The following DGCR2 variants were observed in gnomAD, a reference collection of about 807,000 sequenced individuals.
DGCR2 encodes the protein integral membrane protein DGCR2/IDD.
DGCR2 carries 24 observed loss-of-function variants against 51.6 expected under a neutral mutation model. The observed-to-expected ratio is 0.47, with a 90% CI of 0.34 to 0.65. DGCR2 has a LOEUF of 0.65. DGCR2 is among the 30% of genes least tolerant of loss of function. The pLI, the probability that DGCR2 is intolerant of heterozygous loss-of-function variation, is 0.01. For synonymous variants in DGCR2, 340 were observed against 315.4 expected, an observed-to-expected ratio of 1.08 and a Z score of -0.82; for missense variants, 765 against 772.1, an observed-to-expected ratio of 0.99 and a Z score of 0.11.
intron 1 of DGCR2, among the ~76,000 whole-genome samples, chr22:19,119,615 A>G (rs1204002928): frequency 1.1e-4 from 16 of 152,004 alleles, no homozygotes; most frequent in Non-Finnish European, 1.5e-5. Context: ...GTATGCCTGT[A>G]ATCCCAGCTA....
intron 1 of DGCR2, among the ~76,000 whole-genome samples, chr22:19,111,168 G>A (rs1188550327): frequency 6.6e-6 from 1 of 152,222 alleles, no homozygotes; most frequent in Admixed American, 6.5e-5. Context: ...GAAACACACA[G>A]GTAGATTTGA....
chr22:19,094,181 A>C (rs2083112550), intron 1 of DGCR2, among the ~76,000 whole-genome samples: 1 of 152,272 alleles, frequency 6.6e-6, no homozygotes. Flanking sequence ...TGATCCCAAC[A>C]CTTTGGGAGG....
intron 1 of DGCR2, among the ~76,000 whole-genome samples, chr22:19,109,568 A>C (rs1350620773): frequency 6.6e-6 from 1 of 152,250 alleles, no homozygotes; most frequent in Non-Finnish European, 1.5e-5. Flanking sequence ...TATCTAAAGC[A>C]GTCAAACTCT....
At chr22:19,097,542 GCT>G (rs999409882) in intron 1 of DGCR2, among the ~76,000 whole-genome samples, 1 of 151,926 alleles carries the variant, frequency 6.6e-6, no homozygotes, top group Non-Finnish European at 1.5e-5. Context: ...ACAGAGCAAG[GCT>G]CTGTCTCGAA....
chr22:19,070,486 T>TG (rs2082802285), intron 2 of DGCR2, among the ~76,000 whole-genome samples: 1 of 152,004 alleles, frequency 6.6e-6, no homozygotes, highest in Admixed American at 6.6e-5. Context: ...GCACAGTACC[T>TG]GGTAAAATTG....
intron 6 of DGCR2, among the ~76,000 whole-genome samples, chr22:19,054,438 T>C (rs1476340914): frequency 6.6e-6 from 1 of 152,226 alleles, no homozygotes; most frequent in Non-Finnish European, 1.5e-5. Flanking sequence ...ATTAACAAGT[T>C]ACAGAAGTCT....
chr22:19,052,313 G>C (rs967762086), intron 6 of DGCR2, among the ~76,000 whole-genome samples: 2 of 152,210 alleles, frequency 1.3e-5, no homozygotes, highest in African/African-American at 2.4e-5. Flanking sequence ...CTACTCGGGA[G>C]GCTGAGACAT....
Position 19,122,256 on chromosome 22 carries a change from G to C in DGCR2, c.-50C>G. Reference sequence around the variant, plus strand: ...GGCGGCTGGAAGGCCGGACCAGGCCGGACTGAGGGTCAGGGGACCGTGCCA... The same window carrying C: ...GGCGGCTGGAAGGCCGGACCAGGCCCGACTGAGGGTCAGGGGACCGTGCCA... On this transcript the variant is annotated 5_prime_UTR_variant, in exon 1 of 10. Coordinates refer to ENST00000263196, the MANE Select transcript of DGCR2 (RefSeq NM_005137.3). 1 of 1,412,510 alleles carries C rather than the reference G, an allele frequency of 7.1e-7. No individual in the cohort carries two copies. Among genetic ancestry groups the C allele is most frequent in the Non-Finnish European group, 9.5e-7 (1 of 1,056,614 alleles). The allele number at this position is 1,412,510 out of a possible 1,614,324, so 87.5% of individuals were successfully genotyped here.
rs200515250 is a variant in DGCR2, at chr22:19,041,859, G to A, written c.1107C>T (p.His369=). The part of the protein sequence containing the change: ...LILSLLLFMV[H]RLRQRRRERI... ...GCTCCCGGCGCCGCTGGCGCAGCCG[G>A]TGGACCATGAAGAGCAGCAGTGACA... The change falls in exon 8 of 10, where the codon CAC becomes CAT. Residue 369 remains histidine, a synonymous_variant. Transcript: ENST00000263196. The A allele has an allele frequency of 6.2e-7, 1 of 1,613,360 alleles. No individual in the cohort carries two copies.
Position 19,108,388 on chromosome 22 carries a change from C to T in DGCR2, c.79+13740G>A, listed in dbSNP as rs544834873. On this transcript the variant is annotated intron_variant, in intron 1 of 9. Coordinates refer to ENST00000263196, the MANE Select transcript of DGCR2 (RefSeq NM_005137.3). ...GAGTTGGAGACCAGCTTGGGCAACA[C>T]AGGGATCCAGTCTCTACAAAAATTA... 7.3e-5 allele frequency among the ~76,000 whole-genome samples: 11 copies of T among 150,742 alleles called. 1 individual carries two copies. The South Asian group carries it at 2.3e-3, about 32-fold the overall frequency.
intron 1 of DGCR2, among the ~76,000 whole-genome samples, chr22:19,093,360 C>T (rs2083101250): frequency 9.4e-6 from 1 of 106,694 alleles, no homozygotes; most frequent in East Asian, 2.5e-4. Context: ...AACTCCACCT[C>T]GAAAAAAAAA....
intron 2 of DGCR2, among the ~76,000 whole-genome samples, chr22:19,078,602 G>C (rs142594106): frequency 4.9e-4 from 75 of 152,242 alleles, no homozygotes; most frequent in Non-Finnish European, 9.9e-4. Context: ...TCAATACTAT[G>C]GTGAATAAGT....
intron 1 of DGCR2, among the ~76,000 whole-genome samples, chr22:19,116,703 T>C (rs1307968310): frequency 6.6e-6 from 1 of 152,218 alleles, no homozygotes; most frequent in African/African-American, 2.4e-5. Flanking sequence ...TTGTCACTGA[T>C]GCATTCCACT....
intron 2 of DGCR2, among the ~76,000 whole-genome samples, chr22:19,081,553 A>G (rs1158623626): frequency 6.6e-6 from 1 of 152,228 alleles, no homozygotes; most frequent in Admixed American, 6.5e-5. Flanking sequence ...CAAGACATGT[A>G]TCAATGGCAA....
In DGCR2 at chr22:19,057,119, C is replaced by T. The variant is rs199948293; in HGVS notation, c.669G>A (p.Ser223=). 2.1e-5 allele frequency: 33 copies of T among 1,608,590 alleles called. No homozygotes were observed. The highest frequency in any genetic ancestry group is 5.6e-5 in the South Asian group (5 of 89,660). Residue 223 remains serine, a synonymous_variant, in exon 6 of 10, where the codon TCG becomes TCA. Transcript: ENST00000263196. The surrounding 1 kb of genome is among the most constrained non-coding windows in gnomAD (Gnocchi z 5.1). ...VFLPPDPIFA[S]AMSENDNVFC... ...ACACGTTGTCGTTCTCAGACATGGCCGAGGCAAAGATGGGGTCTGGGGGCA... is the reference window on the plus strand; with the variant it reads ...ACACGTTGTCGTTCTCAGACATGGCTGAGGCAAAGATGGGGTCTGGGGGCA...
chr22:19,082,669 G>A (rs539473680), intron 2 of DGCR2, among the ~76,000 whole-genome samples: 10 of 152,072 alleles, frequency 6.6e-5, no homozygotes, highest in Non-Finnish European at 1.3e-4. Flanking sequence ...AGAATCACTT[G>A]AACCCAGGAG....
At chr22:19,092,561 T>C (rs1020704802) in intron 1 of DGCR2, among the ~76,000 whole-genome samples, 2 of 152,186 alleles carry the variant, frequency 1.3e-5, no homozygotes, top group African/African-American at 2.4e-5. Context: ...CTAAAAGGAA[T>C]TGAATTTTTA....
chr22:19,081,194 A>G (rs1424884128), intron 2 of DGCR2, among the ~76,000 whole-genome samples: 1 of 152,252 alleles, frequency 6.6e-6, no homozygotes, highest in African/African-American at 2.4e-5. Context: ...AAGATTCATA[A>G]GCCTAATAAT....
chr22:19,084,880 T>G (rs538800823), intron 2 of DGCR2, among the ~76,000 whole-genome samples: 1 of 151,964 alleles, frequency 6.6e-6, no homozygotes, highest in South Asian at 2.1e-4. Flanking sequence ...CCGCCCCTTC[T>G]GGGAAGTGAG....
Sources: gnomAD v4.1 joint callset for allele counts (sites outside exome capture counted in the v4.1 genomes callset) on GRCh38, gnomAD v4.1.1 for gene constraint, Gnocchi (gnomAD v3.1) non-coding constraint, MANE v1.5 for transcripts, NCBI Gene and HGNC (gene_info 2026-07-23, HGNC 2026-07-21) for gene names.